Variants in NEK11 observed in about 807,000 individuals in gnomAD.
The protein encoded by NEK11 is NIMA related kinase 11, also known as serine/threonine-protein kinase Nek11.
In NEK11, 72 loss-of-function variants were observed where a neutral mutation model predicts 80.7. That is an observed-to-expected ratio of 0.89 (90% CI 0.74 to 1.08). The LOEUF (loss-of-function observed/expected upper bound fraction) is 1.08. NEK11 is among the 50% of genes least tolerant of loss of function. NEK11 has a pLI of 0.00. For synonymous variants in NEK11, 251 were observed against 260.7 expected (o/e 0.96, Z 0.36); for missense variants, 764 against 763.6 (o/e 1.00, Z -0.01).
At chr3:131,182,377 C>T (rs75576251) in intron 14 of NEK11, among the ~76,000 whole-genome samples, 200 of 152,160 alleles carry the variant, frequency 1.3e-3, no homozygotes, top group African/African-American at 4.6e-3. Context: ...TTATTCTCTC[C>T]TTTATCGTCA....
At chr3:131,129,268 A>G (rs1268978815) in intron 5 of NEK11, among the ~76,000 whole-genome samples, 1 of 152,032 alleles carries the variant, frequency 6.6e-6, no homozygotes, top group Non-Finnish European at 1.5e-5. Context: ...GTTAGCCAGG[A>G]TGGTCTCGAT....
chr3:131,195,876 G>T (rs1232892287), intron 14 of NEK11, among the ~76,000 whole-genome samples: 1 of 148,090 alleles, frequency 6.8e-6, no homozygotes, highest in Non-Finnish European at 1.5e-5. Flanking sequence ...AAGTGTAGGA[G>T]CTCTGTCAAT....
chr3:131,258,344 A>G (rs2095854611), intron 16 of NEK11, among the ~76,000 whole-genome samples: 1 of 148,954 alleles, frequency 6.7e-6, no homozygotes, highest in African/African-American at 2.6e-5. Context: ...TAAAAACTTA[A>G]AAAAAGAGAA....
At chr3:131,332,404 G>T (rs1223103064) in intron 17 of NEK11, among the ~76,000 whole-genome samples, 2 of 152,182 alleles carry the variant, frequency 1.3e-5, no homozygotes, top group African/African-American at 2.4e-5. Flanking sequence ...GCAGCTGAGG[G>T]TCCTGTCTGT....
intron 4 of NEK11, among the ~76,000 whole-genome samples, chr3:131,090,011 G>A: frequency 6.6e-6 from 1 of 151,900 alleles, no homozygotes; most frequent in African/African-American, 2.4e-5. Context: ...AACATTGCAG[G>A]GGTTTTTTTG....
intron 16 of NEK11, among the ~76,000 whole-genome samples, chr3:131,271,427 A>G (rs1459858007): frequency 6.6e-6 from 1 of 152,226 alleles, no homozygotes; most frequent in Non-Finnish European, 1.5e-5. Context: ...TCAAAGTGGG[A>G]TACATGCCCC....
intron 17 of NEK11, among the ~76,000 whole-genome samples, chr3:131,320,520 G>GGAGAGA (rs144796371): frequency 2.0e-5 from 3 of 149,944 alleles, no homozygotes; most frequent in African/African-American, 7.3e-5. Flanking sequence ...GGAAGAGGAG[G>GGAGAGA]GAGAGAGAGA....
chr3:131,056,839 A>G (rs532033808), intron 3 of NEK11, among the ~76,000 whole-genome samples: 1 of 152,110 alleles, frequency 6.6e-6, no homozygotes, highest in African/African-American at 2.4e-5. Context: ...ATGCAGCCAC[A>G]GGGGCAAGCC....
chr3:131,097,796 G>GGA (rs1560386543), intron 4 of NEK11, among the ~76,000 whole-genome samples: 4 of 140,006 alleles, frequency 2.9e-5, no homozygotes, highest in African/African-American at 5.1e-5. Flanking sequence ...CACAGAATTG[G>GGA]AAAAAACTAC....
In NEK11 at chr3:131,255,127, A is replaced by AGAAAGAAAG. The variant is rs149243171; in HGVS notation, c.1621+11633_1621+11634insAAGAAAGGA. Among the ~76,000 whole-genome samples the AGAAAGAAAG allele has an allele frequency of 1.7e-4, 25 of 148,248 alleles. No homozygotes were observed. In the East Asian group the frequency reaches 2.7e-3, roughly 16 times the overall value. ...AAGAAAGAAAGAAAGAAAGAAAGAAAGAGAGAAAGAACAGCTAATTTCCCA... is the reference window on the plus strand; with the variant it reads ...AAGAAAGAAAGAAAGAAAGAAAGAAAGAAAGAAAGGAGAGAAAGAACAGCTAATTTCCCA... On this transcript the variant is annotated intron_variant, in intron 16 of 17. Transcript: ENST00000383366.
chr3:131,240,939 C>G (rs145057769), intron 15 of NEK11, among the ~76,000 whole-genome samples: 1 of 152,144 alleles, frequency 6.6e-6, no homozygotes, highest in Non-Finnish European at 1.5e-5. Context: ...CTGCTTGCTG[C>G]TGCCTAAACT....
At chr3:131,306,746 C>T (rs1040916437) in intron 17 of NEK11, among the ~76,000 whole-genome samples, 5 of 152,188 alleles carry the variant, frequency 3.3e-5, no homozygotes, top group African/African-American at 7.2e-5. Flanking sequence ...AGCTGTTTCT[C>T]CCATATTTAC....
intron 7 of NEK11, among the ~76,000 whole-genome samples, chr3:131,147,584 A>G (rs1163990070): frequency 2.0e-5 from 3 of 152,052 alleles, no homozygotes; most frequent in African/African-American, 4.8e-5. Context: ...GTATTTCCAT[A>G]TAAATTTTAG....
chr3:131,277,186 T>C (rs534035439), intron 17 of NEK11, among the ~76,000 whole-genome samples: 1 of 152,350 alleles, frequency 6.6e-6, no homozygotes, highest in African/African-American at 2.4e-5. Flanking sequence ...TTCTGTAGAC[T>C]AATCAACCCA....
chr3:131,201,874 G>A (rs1214817389), intron 14 of NEK11, among the ~76,000 whole-genome samples: 10 of 152,120 alleles, frequency 6.6e-5, no homozygotes, highest in East Asian at 3.9e-4. Flanking sequence ...TCGTTCTGTC[G>A]CCCAGGCTGG....
At chr3:131,185,534 C>A (rs2093564181) in intron 14 of NEK11, among the ~76,000 whole-genome samples, 1 of 152,116 alleles carries the variant, frequency 6.6e-6, no homozygotes, top group Admixed American at 6.6e-5. Context: ...TACTGTCCCC[C>A]ACCAACTCAA....
intron 17 of NEK11, among the ~76,000 whole-genome samples, chr3:131,284,667 T>G (rs2096448862): frequency 6.6e-6 from 1 of 152,192 alleles, no homozygotes; most frequent in Admixed American, 6.5e-5. Context: ...GCTGCCAGCA[T>G]GGCTAGAATA....
chr3:131,116,659 A>G (rs1216031195), intron 5 of NEK11, among the ~76,000 whole-genome samples: 4 of 152,072 alleles, frequency 2.6e-5, no homozygotes, highest in Non-Finnish European at 4.4e-5. Flanking sequence ...CTTTTTAATA[A>G]TTGCCATTCT....
chr3:131,117,137 T>C (rs1319390129), intron 5 of NEK11, among the ~76,000 whole-genome samples: 2 of 152,236 alleles, frequency 1.3e-5, no homozygotes, highest in Non-Finnish European at 2.9e-5. Flanking sequence ...TTAATCCATC[T>C]TGAAGAAATT....
Sources: gnomAD v4.1 joint callset for allele counts (sites outside exome capture counted in the v4.1 genomes callset) on GRCh38, gnomAD v4.1.1 for gene constraint, MANE v1.5 for transcripts, NCBI Gene and HGNC (gene_info 2026-07-23, HGNC 2026-07-21) for gene names.